SLAIN1: variants seen among roughly 807,000 people sequenced by gnomAD.
SLAIN1 encodes SLAIN family member 1.
Under a neutral mutation model 55.4 loss-of-function variants are expected in SLAIN1, and 17 were observed. The ratio of observed to expected loss-of-function variants is 0.31; its 90% CI spans 0.21 to 0.46. SLAIN1 has a LOEUF of 0.46. Among genes scored for constraint, SLAIN1 ranks in the 20% least tolerant of loss-of-function variants. SLAIN1 has a pLI of 1.00. For synonymous variants in SLAIN1, 348 were observed against 337.4 expected, an observed-to-expected ratio of 1.03 and a Z score of -0.35; for missense variants, 682 against 785.1, an observed-to-expected ratio of 0.87 and a Z score of 1.57.
rs781085751 is a variant in SLAIN1, at chr13:77,746,811, C to T, written c.1214C>T (p.Pro405Leu). ...NNYQQQQYYS[P>L]QAQTPDQQPN... ...TACCAGCAGCAACAGTATTATTCAC[C>T]TCAAGCCCAAACTCCAGATCAGCAA... Residue 405 changes from proline to leucine, a missense_variant, in exon 4 of 7, where the codon CCT becomes CTT. Physicochemically the swap from Pro to Leu is moderately conservative, Grantham distance 98 (BLOSUM62 -3). Around this residue, in one of 3 missense-constraint regions of SLAIN1, gnomAD observed 244 missense variants for 295.2 expected, o/e 0.83. Coordinates refer to ENST00000418532, the MANE Select transcript of SLAIN1 (RefSeq NM_001242868.2). 8.7e-6 allele frequency: 14 copies of T among 1,613,652 alleles called. No homozygotes were observed. The highest frequency in any genetic ancestry group is 1.2e-5 in the Non-Finnish European group (14 of 1,179,714).
chr13:77,744,872 C>T (rs1009123464), intron 3 of SLAIN1, among the ~76,000 whole-genome samples: 1 of 152,064 alleles, frequency 6.6e-6, no homozygotes, highest in African/African-American at 2.4e-5. Context: ...AATCATGTTA[C>T]ATCTATACCA....
intron 2 of SLAIN1, 64 bp downstream of exon 2, chr13:77,719,735 C>G: frequency 6.4e-7 from 1 of 1,555,124 alleles, no homozygotes; most frequent in Non-Finnish European, 8.8e-7. Context: ...GCTTTTGTTG[C>G]TGGTTTTGGA....
intron 2 of SLAIN1, among the ~76,000 whole-genome samples, chr13:77,734,845 C>A (rs1044789788): frequency 6.6e-6 from 1 of 151,886 alleles, no homozygotes; most frequent in African/African-American, 2.4e-5. Context: ...TATGGTGAAA[C>A]CCCCTCTCTA....
At chr13:77,699,087 C>T (rs1196280757) in intron 1 of SLAIN1, 5 of 1,518,800 alleles carry the variant, frequency 3.3e-6, no homozygotes, top group Non-Finnish European at 4.4e-6. Context: ...ATTTTGCAGT[C>T]GTGTGCCCTT....
At chr13:77,755,406 G>C (rs1341246779) in intron 5 of SLAIN1, among the ~76,000 whole-genome samples, 2 of 152,088 alleles carry the variant, frequency 1.3e-5, no homozygotes, top group Non-Finnish European at 2.9e-5. Context: ...GTAACAATTA[G>C]GAATTTTTGT....
In SLAIN1 at chr13:77,698,051, G is replaced by T; in HGVS notation, c.138G>T (p.Leu46=). 7.3e-7 allele frequency: 1 copy of T among 1,372,354 alleles called. No individual in the cohort carries two copies. Among genetic ancestry groups the T allele is most frequent in the South Asian group, 1.5e-5 (1 of 68,040 alleles). 85.0% of individuals were successfully genotyped at this position (1,372,354 alleles called of 1,614,324 possible). A position where few individuals can be genotyped will look rare whatever the true frequency, so the allele number is the denominator to read the frequency against. Residue 46 remains leucine (L), a synonymous_variant, in exon 1 of 7, where the codon CTG becomes CTT. Transcript: ENST00000418532. This position sits in a 1 kb window ranked among gnomAD's most constrained non-coding sequence, Gnocchi z 4.1. The stretch of plus-strand genomic sequence containing the variant: ...AGCTGGAGAAGCAGAACGAGCAGCT[G>T]CGGAGTCGAGCGGCCAGCGCGGCCG... The part of the protein sequence containing the change: ...VRKLEKQNEQ[L]RSRAASAAAA...
rs2813737 is a variant in SLAIN1, at chr13:77,714,811, C to T, written c.627-4721C>T. Among the ~76,000 whole-genome samples the T allele has an allele frequency of 9.7e-3, 1,477 of 152,198 alleles. 27 individuals carry two copies. Among genetic ancestry groups the T allele is most frequent in the African/African-American group, 0.033 (1,387 of 41,520 alleles). On this transcript the variant is annotated intron_variant, in intron 1 of 6. Coordinates refer to ENST00000418532, the MANE Select transcript of SLAIN1 (RefSeq NM_001242868.2). ...AACAGATTTCAACACTTGAAGTTTC[C>T]TGTGGCCCCTTGTTTTCCTTATTCT... is the stretch of plus-strand genomic sequence containing the variant.
At chr13:77,763,072 T>A in intron 6 of SLAIN1, 73 bp from the exon 7 acceptor site, 1 of 1,238,636 alleles carries the variant, frequency 8.1e-7, no homozygotes, top group Non-Finnish European at 1.2e-6. Context: ...GATGGGAGAG[T>A]AGGTCAAAGT....
chr13:77,697,880 C>A lies in SLAIN1; in HGVS notation c.-34C>A, dbSNP rs1368147426. 1.5e-6 allele frequency: 2 copies of A among 1,313,628 alleles called. No individual in the cohort carries two copies. Among genetic ancestry groups the A allele is most frequent in the Non-Finnish European group, 1.9e-6 (2 of 1,029,532 alleles). 81.4% of individuals were successfully genotyped at this position (1,313,628 alleles called of 1,614,324 possible). A position where few individuals can be genotyped will look rare whatever the true frequency, so the allele number is the denominator to read the frequency against. On this transcript the variant is annotated 5_prime_UTR_variant, in exon 1 of 7. Transcript: ENST00000418532. ...CGAGGAGCCGGCGCGGCGGCGCGCA[C>A]TCCCCGGCGGCCGCGGCGCCCTCGG...
At position 77,718,108 on chromosome 13, in the gene SLAIN1, A is replaced by AT. The variant is rs577144263; in HGVS notation, c.627-1424_627-1423insT. Among the ~76,000 whole-genome samples the AT allele has an allele frequency of 4.6e-5, 7 of 152,206 alleles. No homozygotes were observed. The South Asian group carries it at 1.5e-3, about 32-fold the overall frequency. The stretch of plus-strand genomic sequence containing the variant: ...GCAACACACTCTAAGGAAAAAAAAA[A>AT]ATATATTGGACTTACAATTAAATCC... On this transcript the variant is annotated intron_variant, in intron 1 of 6. Coordinates refer to ENST00000418532, the MANE Select transcript of SLAIN1 (RefSeq NM_001242868.2).
intron 2 of SLAIN1, chr13:77,743,171 A>G (rs1184677140): frequency 1.5e-6 from 2 of 1,299,154 alleles, no homozygotes; most frequent in South Asian, 1.3e-5. Flanking sequence ...AACAGGTAAT[A>G]TTTTAACTTC....
At chr13:77,705,215 C>T (rs553531602) in intron 1 of SLAIN1, among the ~76,000 whole-genome samples, 2 of 151,822 alleles carry the variant, frequency 1.3e-5, no homozygotes, top group East Asian at 3.9e-4. Context: ...TCATTGGAAA[C>T]ATTCAGGGTT....
rs755098688 is a variant in SLAIN1, at chr13:77,746,495, A to T, written c.917-19A>T. 2.5e-6 allele frequency: 4 copies of T among 1,569,282 alleles called. No homozygotes were observed. Among genetic ancestry groups the T allele is most frequent in the Non-Finnish European group, 3.5e-6 (4 of 1,150,186 alleles). On this transcript the variant is annotated intron_variant, in intron 3 of 6. Transcript: ENST00000418532. ...TAGCTAGATCAAAATACATTAGAGT[A>T]CTATTTGTTATTTTATAGGTCTCAG...
chr13:77,716,401 A>G (rs919878666), intron 1 of SLAIN1, among the ~76,000 whole-genome samples: 2 of 151,390 alleles, frequency 1.3e-5, no homozygotes, highest in Non-Finnish European at 2.9e-5. Flanking sequence ...TAGATCATCT[A>G]CATTTCTACA....
At chr13:77,723,644 G>T (rs1017646955) in intron 2 of SLAIN1, among the ~76,000 whole-genome samples, 4 of 152,062 alleles carry the variant, frequency 2.6e-5, no homozygotes, top group Non-Finnish European at 5.9e-5. Flanking sequence ...TCTTATTTCT[G>T]ATTCTTATTT....
At chr13:77,711,040 A>G (rs2091144053) in intron 1 of SLAIN1, among the ~76,000 whole-genome samples, 1 of 152,210 alleles carries the variant, frequency 6.6e-6, no homozygotes, top group African/African-American at 2.4e-5. Context: ...AATGAGAACA[A>G]AGACACAATG....
intron 1 of SLAIN1, among the ~76,000 whole-genome samples, chr13:77,705,198 T>C (rs535005449): frequency 1.4e-4 from 22 of 151,970 alleles, no homozygotes; most frequent in Admixed American, 1.3e-3. Flanking sequence ...CAGACAGTTG[T>C]CATACTTCAT....
chr13:77,759,373 G>A (rs1874837884), intron 5 of SLAIN1, among the ~76,000 whole-genome samples: 1 of 151,962 alleles, frequency 6.6e-6, no homozygotes, highest in Non-Finnish European at 1.5e-5. Flanking sequence ...CATATTATTG[G>A]TAAACAGTGA....
intron 1 of SLAIN1, among the ~76,000 whole-genome samples, chr13:77,699,815 G>T (rs150685634): frequency 6.6e-6 from 1 of 152,162 alleles, no homozygotes; most frequent in East Asian, 1.9e-4. Flanking sequence ...TCACTTTTGG[G>T]AACTTTAAGC....
Sources: gnomAD v4.1 joint callset for allele counts (sites outside exome capture counted in the v4.1 genomes callset) on GRCh38, gnomAD v4.1.1 for gene constraint, gnomAD v4.1.1 regional missense constraint, Gnocchi (gnomAD v3.1) non-coding constraint, MANE v1.5 for transcripts, NCBI Gene and HGNC (gene_info 2026-07-23, HGNC 2026-07-21) for gene names.